Variants in NUDCD1 observed in about 807,000 individuals in gnomAD.
The protein encoded by NUDCD1 is nudC domain-containing protein 1.
A neutral mutation model predicts 67.8 loss-of-function variants in NUDCD1; 60 were observed. The ratio of observed to expected loss-of-function variants is 0.88; its 90% CI spans 0.72 to 1.10. The LOEUF (loss-of-function observed/expected upper bound fraction) is 1.10, where lower values mean the gene tolerates loss of function less well. Ranked by LOEUF, NUDCD1 falls within the 50% of genes least tolerant of loss-of-function variation. The pLI is 0.00. For synonymous variants in NUDCD1, 244 were observed against 230.8 expected, an observed-to-expected ratio of 1.06 and a Z score of -0.52; for missense variants, 643 against 695.0, an observed-to-expected ratio of 0.93 and a Z score of 0.84.
intron 4 of NUDCD1, among the ~76,000 whole-genome samples, chr8:109,291,109 T>C (rs1233641652): frequency 6.6e-6 from 1 of 152,162 alleles, no homozygotes. Flanking sequence ...AAAAACCGGA[T>C]TCCGTGGTTA....
At chr8:109,252,137 T>C (rs1251636591) in intron 8 of NUDCD1, among the ~76,000 whole-genome samples, 1 of 152,102 alleles carries the variant, frequency 6.6e-6, no homozygotes, top group Non-Finnish European at 1.5e-5. Context: ...GGTTACTTGT[T>C]GCTTGATGTG....
chr8:109,304,437 A>T (rs1289071157), intron 2 of NUDCD1, among the ~76,000 whole-genome samples: 1 of 152,176 alleles, frequency 6.6e-6, no homozygotes, highest in Non-Finnish European at 1.5e-5. Flanking sequence ...CAGCAAAAGC[A>T]GGCTATGCTA....
intron 7 of NUDCD1, among the ~76,000 whole-genome samples, chr8:109,272,231 T>C (rs1017876930): frequency 1.3e-5 from 2 of 151,848 alleles, no homozygotes; most frequent in African/African-American, 4.8e-5. Flanking sequence ...TTTAATAGAA[T>C]ATAAAATATA....
At chr8:109,332,119 A>G (rs1481052430) in intron 1 of NUDCD1, among the ~76,000 whole-genome samples, 1 of 152,218 alleles carries the variant, frequency 6.6e-6, no homozygotes, top group East Asian at 1.9e-4. Flanking sequence ...CAAAAGAAAA[A>G]CATCACTGTT....
chr8:109,249,015 T>C (rs1029816171), intron 8 of NUDCD1, among the ~76,000 whole-genome samples: 13 of 152,154 alleles, frequency 8.5e-5, no homozygotes, highest in African/African-American at 2.7e-4. Context: ...TTGCAACTAA[T>C]TATTTATACT....
chr8:109,322,273 T>A, intron 2 of NUDCD1, 36 bp downstream of exon 2: 2 of 1,172,136 alleles, frequency 1.7e-6, no homozygotes, highest in Non-Finnish European at 2.4e-6. Context: ...TGATATTACA[T>A]ACATATATTA....
Position 109,326,604 on chromosome 8 carries a change from A to G in NUDCD1, c.119-4141T>C, listed in dbSNP as rs139332662. Among the ~76,000 whole-genome samples the G allele has an allele frequency of 3.4e-3, 525 of 152,328 alleles. 3 individuals carry two copies. Among genetic ancestry groups the G allele is most frequent in the African/African-American group, 0.012 (490 of 41,566 alleles). On this transcript the variant is annotated intron_variant, in intron 1 of 9. Coordinates refer to ENST00000239690, the MANE Select transcript of NUDCD1 (RefSeq NM_032869.4). ...ATTTTATTATTTAATGATACCTTGC[A>G]TTGAAAATAAAAGAGCTTTGCTGAA...
intron 8 of NUDCD1, among the ~76,000 whole-genome samples, chr8:109,246,210 T>C (rs1003643854): frequency 6.6e-6 from 1 of 152,206 alleles, no homozygotes; most frequent in Non-Finnish European, 1.5e-5. Context: ...TTTTAGGCCA[T>C]AGAATACACA....
intron 8 of NUDCD1, among the ~76,000 whole-genome samples, chr8:109,256,738 C>T (rs187579556): frequency 5.3e-5 from 8 of 151,972 alleles, no homozygotes; most frequent in African/African-American, 1.4e-4. Flanking sequence ...GAAAAAATGA[C>T]ACCAAGTTCC....
chr8:109,332,456 C>T (rs1430749378), intron 1 of NUDCD1, among the ~76,000 whole-genome samples: 1 of 152,168 alleles, frequency 6.6e-6, no homozygotes, highest in Non-Finnish European at 1.5e-5. Context: ...AGAGACCACA[C>T]GGAGAAAAGT....
rs1005406126 is a variant in NUDCD1, at chr8:109,242,063, G to C, written c.*946C>G. 3 of 397,920 alleles carry C rather than the reference G, an allele frequency of 7.5e-6. No individual in the cohort carries two copies. Among genetic ancestry groups the C allele is most frequent in the South Asian group, 2.5e-4 (2 of 7,856 alleles). The allele number at this position is 397,920 out of a possible 1,614,324, so 24.6% of individuals were successfully genotyped here. ...GAGCCACAAGGATAAATTATAATTT[G>C]TCCTTGTGTGGTAAGATTGTTCCAT... is the stretch of plus-strand genomic sequence containing the variant. On this transcript the variant is annotated 3_prime_UTR_variant, in exon 10 of 10. Transcript: ENST00000239690.
At chr8:109,264,485 T>C (rs535755704) in intron 8 of NUDCD1, among the ~76,000 whole-genome samples, 5 of 152,344 alleles carry the variant, frequency 3.3e-5, no homozygotes, top group East Asian at 1.9e-4. Flanking sequence ...ATTTGGAAAG[T>C]CTGCATAACT....
intron 2 of NUDCD1, among the ~76,000 whole-genome samples, chr8:109,319,174 CGT>C (rs1169749975): frequency 6.6e-6 from 1 of 152,026 alleles, no homozygotes; most frequent in Non-Finnish European, 1.5e-5. Flanking sequence ...AGGGTTTCAT[CGT>C]GTCAGCCAGG....
chr8:109,247,367 T>C (rs988209966), intron 8 of NUDCD1, among the ~76,000 whole-genome samples: 1 of 152,168 alleles, frequency 6.6e-6, no homozygotes, highest in African/African-American at 2.4e-5. Flanking sequence ...AGGATTAATA[T>C]AATTGAATGA....
At chr8:109,284,478 C>A (rs936193209) in intron 5 of NUDCD1, among the ~76,000 whole-genome samples, 1 of 152,044 alleles carries the variant, frequency 6.6e-6, no homozygotes, top group Non-Finnish European at 1.5e-5. Context: ...GAATATAAAT[C>A]CTACTCATCT....
At chr8:109,247,010 GT>G in intron 8 of NUDCD1, among the ~76,000 whole-genome samples, 1 of 152,240 alleles carries the variant, frequency 6.6e-6, no homozygotes, top group South Asian at 2.1e-4. Context: ...GGGCTTTTTC[GT>G]AGAGCCAGTG....
intron 2 of NUDCD1, chr8:109,316,630 G>A (rs532427209): frequency 6.6e-6 from 1 of 152,306 alleles, no homozygotes; most frequent in African/African-American, 2.4e-5. Flanking sequence ...GCCTGCACCT[G>A]ACAGAAACTC....
chr8:109,259,935 T>C (rs1210911961), intron 8 of NUDCD1, among the ~76,000 whole-genome samples: 2 of 152,154 alleles, frequency 1.3e-5, no homozygotes, highest in East Asian at 1.9e-4. Context: ...GATTTTTTCA[T>C]ATACTAAAAG....
chr8:109,296,259 C>A, intron 3 of NUDCD1, 125 bp downstream of exon 3: 1 of 765,708 alleles, frequency 1.3e-6, no homozygotes, highest in Non-Finnish European at 2.2e-6. Context: ...AGATCCAAAA[C>A]ATTATATATC....
Sources: gnomAD v4.1 joint callset for allele counts (sites outside exome capture counted in the v4.1 genomes callset) on GRCh38, gnomAD v4.1.1 for gene constraint, MANE v1.5 for transcripts, NCBI Gene and HGNC (gene_info 2026-07-23, HGNC 2026-07-21) for gene names.